TAFA2: variants seen among roughly 807,000 people sequenced by gnomAD.
TAFA2 encodes the protein chemokine-like protein TAFA-2.
Under a neutral mutation model 18.8 loss-of-function variants are expected in TAFA2, and 7 were observed. The observed-to-expected ratio is 0.37, with a 90% CI of 0.21 to 0.70. The LOEUF (loss-of-function observed/expected upper bound fraction) is 0.70, where lower values mean the gene tolerates loss of function less well. TAFA2 is among the 30% of genes least tolerant of loss of function. The pLI is 0.53. For missense variants in TAFA2, 122 were observed against 158.1 expected (o/e 0.77, Z 1.23); for synonymous variants, 60 against 54.2 (o/e 1.11, Z -0.47).
At chr12:61,910,055 AAG>A (rs1876533346) in intron 1 of TAFA2, among the ~76,000 whole-genome samples, 1 of 151,754 alleles carries the variant, frequency 6.6e-6, no homozygotes, top group South Asian at 2.1e-4. Flanking sequence ...AAGGCCCCAA[AAG>A]AGAGTAGTAA....
chr12:61,770,232 T>G (rs117274428), intron 2 of TAFA2, among the ~76,000 whole-genome samples: 6,454 of 151,944 alleles, frequency 0.042, 225 homozygotes, highest in Non-Finnish European at 0.063. Flanking sequence ...CTCCAAGAAG[T>G]TTGGAATTAT....
chr12:61,882,245 T>C lies in TAFA2; in HGVS notation c.-1-14819A>G, dbSNP rs144902054. 5.9e-5 allele frequency among the ~76,000 whole-genome samples: 9 copies of C among 152,218 alleles called. No homozygotes were observed. The East Asian group carries it at 7.7e-4, about 13-fold the overall frequency. ...TAGCAGTGGCACATAAAGATTATAA[T>C]TGGGAATGAAAGAAAGAAAAGGACC... is the stretch of plus-strand genomic sequence containing the variant. On this transcript the variant is annotated intron_variant, in intron 1 of 4. Transcript: ENST00000416284.
At chr12:61,724,555 A>T (rs1298877694) in intron 4 of TAFA2, among the ~76,000 whole-genome samples, 1 of 152,000 alleles carries the variant, frequency 6.6e-6, no homozygotes, top group Non-Finnish European at 1.5e-5. Flanking sequence ...CTTCTCCCCG[A>T]GTCCCCAAAG....
At chr12:62,020,385 T>C (rs911708364) in intron 1 of TAFA2, among the ~76,000 whole-genome samples, 2 of 152,206 alleles carry the variant, frequency 1.3e-5, no homozygotes, top group Non-Finnish European at 2.9e-5. Context: ...AGGAGGTAGT[T>C]TTGAGCTGAA....
chr12:62,206,094 G>A lies in TAFA2; in HGVS notation c.-130+52669C>T, dbSNP rs145343055. 2.9e-3 allele frequency among the ~76,000 whole-genome samples: 444 copies of A among 152,202 alleles called. 7 individuals carry two copies. Among genetic ancestry groups the A allele is most frequent in the African/African-American group, 0.01 (417 of 41,526 alleles). On this transcript the variant is annotated intron_variant, in intron 1 of 5. Coordinates refer to the TAFA2 transcript ENST00000551619. The stretch of plus-strand genomic sequence containing the variant: ...AGAGAACCTGGATACCTCATTTGCC[G>A]GTGCAGGAGTCACTCACTGTTTTTA...
At chr12:62,246,863 C>A (rs774046341) in intron 1 of TAFA2, among the ~76,000 whole-genome samples, 17 of 151,976 alleles carry the variant, frequency 1.1e-4, no homozygotes, top group Non-Finnish European at 2.1e-4. Context: ...TGTTTTCTAT[C>A]CTCTTACTTT....
Position 62,040,778 on chromosome 12 carries a change from G to A in TAFA2, c.-2+150481C>T, listed in dbSNP as rs138685865. The stretch of plus-strand genomic sequence containing the variant: ...ACGAAGTACCCACGAATGACACTAA[G>A]AGGCCATGTTTAAAGGGAGAGGAGT... On this transcript the variant is annotated intron_variant, in intron 1 of 4. Transcript: ENST00000416284. 6.4e-3 allele frequency among the ~76,000 whole-genome samples: 975 copies of A among 152,258 alleles called. 9 individuals carry two copies. The highest frequency in any genetic ancestry group is 0.022 in the African/African-American group (923 of 41,546).
intron 1 of TAFA2, among the ~76,000 whole-genome samples, chr12:62,254,083 T>C (rs144626109): frequency 7.9e-5 from 12 of 152,352 alleles, no homozygotes; most frequent in African/African-American, 2.6e-4. Flanking sequence ...GTAATTGTGT[T>C]TCTTTGATAT....
chr12:62,081,398 T>TA (rs74351014), intron 1 of TAFA2, among the ~76,000 whole-genome samples: 130,005 of 152,108 alleles, frequency 0.85, 55,735 homozygotes, highest in Non-Finnish European at 0.86. Flanking sequence ...AAAGAATAAA[T>TA]ATTTTTCCAC....
intron 2 of TAFA2, among the ~76,000 whole-genome samples, chr12:61,755,807 T>A (rs2120766244): frequency 6.6e-6 from 1 of 152,238 alleles, no homozygotes; most frequent in Middle Eastern, 3.4e-3. Context: ...ACCTTACTCA[T>A]CATATTATGA....
rs546842825 is a variant in TAFA2, at chr12:62,021,511, A to C, written c.-1-154085T>G. On this transcript the variant is annotated intron_variant, in intron 1 of 4. Coordinates refer to ENST00000416284, the MANE Select transcript of TAFA2 (RefSeq NM_178539.5). ...TCTGTCTTTGTACAATATTTTATTA[A>C]AGATCTTTACAGAACAACATCCAGA... is the stretch of plus-strand genomic sequence containing the variant. 2.5e-4 allele frequency: 164 copies of C among 644,630 alleles called. No homozygotes were observed. In the African/African-American group the frequency reaches 2.8e-3, roughly 11 times the overall value. The allele number at this position is 644,630 out of a possible 1,614,324, so 39.9% of individuals were successfully genotyped here.
intron 1 of TAFA2, among the ~76,000 whole-genome samples, chr12:62,230,573 T>C (rs1045993366): frequency 3.3e-5 from 5 of 152,230 alleles, no homozygotes; most frequent in Non-Finnish European, 7.3e-5. Flanking sequence ...TCAGAAAAGA[T>C]ATTTGATATT....
At chr12:62,205,554 C>T (rs2062688339) in intron 1 of TAFA2, among the ~76,000 whole-genome samples, 1 of 152,208 alleles carries the variant, frequency 6.6e-6, no homozygotes. Flanking sequence ...CAGGGAGGCC[C>T]CACCCAGTGA....
chr12:61,955,707 A>T (rs1036663154), intron 1 of TAFA2, among the ~76,000 whole-genome samples: 1 of 142,290 alleles, frequency 7.0e-6, no homozygotes, highest in Non-Finnish European at 1.5e-5. Flanking sequence ...AGAACCCAAC[A>T]GTCACAAGGA....
chr12:62,161,060 G>A (rs904136739), intron 1 of TAFA2, among the ~76,000 whole-genome samples: 13 of 152,118 alleles, frequency 8.5e-5, no homozygotes, highest in African/African-American at 3.1e-4. Flanking sequence ...AGTACTCAGT[G>A]AGCCTACTCT....
chr12:62,086,595 A>G (rs1868465720), intron 1 of TAFA2, among the ~76,000 whole-genome samples: 1 of 152,080 alleles, frequency 6.6e-6, no homozygotes, highest in African/African-American at 2.4e-5. Flanking sequence ...CCACAATAAG[A>G]TACCACTTCA....
chr12:62,071,433 G>A (rs901220119), intron 1 of TAFA2, among the ~76,000 whole-genome samples: 1 of 152,136 alleles, frequency 6.6e-6, no homozygotes, highest in African/African-American at 2.4e-5. Flanking sequence ...GGGAAGCTTT[G>A]AGGGAGTTCA....
At chr12:61,742,910 C>A (rs1003617024) in intron 4 of TAFA2, among the ~76,000 whole-genome samples, 1 of 152,028 alleles carries the variant, frequency 6.6e-6, no homozygotes, top group African/African-American at 2.4e-5. Flanking sequence ...TTAACTCATA[C>A]CTCCTTCAAT....
chr12:62,036,567 T>C (rs1881618046), intron 1 of TAFA2, among the ~76,000 whole-genome samples: 1 of 152,232 alleles, frequency 6.6e-6, no homozygotes, highest in South Asian at 2.1e-4. Flanking sequence ...TTCAGCCTGG[T>C]AGTAGTACTC....
Sources: allele counts gnomAD v4.1 joint callset (sites outside exome capture counted in the v4.1 genomes callset), GRCh38; gene constraint gnomAD v4.1.1; transcripts MANE v1.5; gene names NCBI Gene and HGNC (gene_info 2026-07-23, HGNC 2026-07-21).